The following PHIP variants were observed in gnomAD, a reference collection of about 807,000 sequenced individuals.
PHIP encodes the protein PH-interacting protein.
Under a neutral mutation model 236.8 loss-of-function variants are expected in PHIP, and 54 were observed. The ratio of observed to expected loss-of-function variants is 0.23; its 90% CI spans 0.18 to 0.29. The LOEUF (loss-of-function observed/expected upper bound fraction) is 0.29, where lower values mean the gene tolerates loss of function less well. Ranked by LOEUF, PHIP falls within the 10% of genes least tolerant of loss-of-function variation. The pLI is 1.00. For synonymous variants in PHIP, 756 were observed against 718.9 expected (o/e 1.05, Z -0.83); for missense variants, 1,370 against 2,190.8 (o/e 0.63, Z 7.48).
intron 9 of PHIP, among the ~76,000 whole-genome samples, chr6:79,024,533 G>A (rs1273844992): frequency 3.9e-5 from 6 of 152,168 alleles, no homozygotes; most frequent in Non-Finnish European, 7.3e-5. Flanking sequence ...GGCTGGGCAC[G>A]GTGGCTCATG....
At chr6:79,007,884 C>T (rs1390743022) in intron 15 of PHIP, among the ~76,000 whole-genome samples, 1 of 151,928 alleles carries the variant, frequency 6.6e-6, no homozygotes, top group Admixed American at 6.6e-5. Context: ...TAGATTAGAG[C>T]TTGCCAACCT....
At chr6:79,066,080 A>G (rs1324619170) in intron 4 of PHIP, among the ~76,000 whole-genome samples, 1 of 152,036 alleles carries the variant, frequency 6.6e-6, no homozygotes, top group Non-Finnish European at 1.5e-5. Flanking sequence ...TATATTGTAT[A>G]TATGTGGTTT....
chr6:79,059,069 T>TA (rs914746735), intron 6 of PHIP, among the ~76,000 whole-genome samples: 7 of 151,892 alleles, frequency 4.6e-5, no homozygotes, highest in East Asian at 1.9e-4. Flanking sequence ...TCTTATGTTT[T>TA]AAAAAAAATC....
rs1176135941 is a variant in PHIP, at chr6:78,938,070, G to T, written c.*2623C>A. Reference sequence around the variant, plus strand: ...GAGGATTATTTTCCCAAGTGGTAAAGAAAACAAAAATATGGTGATGACTTA... The same window carrying T: ...GAGGATTATTTTCCCAAGTGGTAAATAAAACAAAAATATGGTGATGACTTA... On this transcript the variant is annotated 3_prime_UTR_variant, in exon 40 of 40. Transcript: ENST00000275034. The T allele has an allele frequency of 4.6e-5, 7 of 151,582 alleles. No individual in the cohort carries two copies. Among genetic ancestry groups the T allele is most frequent in the Non-Finnish European group, 1.0e-4 (7 of 67,592 alleles). The allele number at this position is 151,582 out of a possible 1,614,324, so 9.4% of individuals were successfully genotyped here. A position where few individuals can be genotyped will look rare whatever the true frequency, so the allele number is the denominator to read the frequency against.
intron 15 of PHIP, among the ~76,000 whole-genome samples, chr6:79,006,643 C>G (rs966248148): frequency 6.6e-6 from 1 of 151,962 alleles, no homozygotes; most frequent in Non-Finnish European, 1.5e-5. Context: ...AATGTGTCAA[C>G]ATAAAATTTA....
Position 79,077,836 on chromosome 6 carries a change from G to A in PHIP, c.99+19C>T. The A allele has an allele frequency of 7.0e-7, 1 of 1,429,014 alleles. No homozygotes were observed. The allele number at this position is 1,429,014 out of a possible 1,614,324, so 88.5% of individuals were successfully genotyped here. A position where few individuals can be genotyped will look rare whatever the true frequency, so the allele number is the denominator to read the frequency against. On this transcript the variant is annotated intron_variant, in intron 2 of 39. Coordinates refer to ENST00000275034, the MANE Select transcript of PHIP (RefSeq NM_017934.7). ...CGAGCGGCGAGCGCCGGCCCGGCCC[G>A]CGCCGCGCGCCGCCGTACCTGAGCC...
chr6:78,940,680 A>G lies in PHIP; in HGVS notation c.*13T>C, dbSNP rs1302327219. ...TGCTTTATAGATTTTGAAGTAAAAT[A>G]TTTTGGTACAAGTTACCAACCAATT... is the stretch of plus-strand genomic sequence containing the variant. On this transcript the variant is annotated 3_prime_UTR_variant, in exon 40 of 40. Coordinates refer to ENST00000275034, the MANE Select transcript of PHIP (RefSeq NM_017934.7). 1.3e-6 allele frequency: 2 copies of G among 1,582,502 alleles called. No homozygotes were observed. The highest frequency in any genetic ancestry group is 1.7e-6 in the Non-Finnish European group (2 of 1,157,162).
At chr6:79,007,449 T>C (rs1330690271) in intron 15 of PHIP, among the ~76,000 whole-genome samples, 1 of 151,992 alleles carries the variant, frequency 6.6e-6, no homozygotes, top group Non-Finnish European at 1.5e-5. Flanking sequence ...GGAGATGAAG[T>C]ATATTAAAAG....
In PHIP at chr6:78,985,334, T is replaced by G; in HGVS notation, c.2537+18A>C. The G allele has an allele frequency of 2.9e-6, 4 of 1,392,062 alleles. No homozygotes were observed. Among genetic ancestry groups the G allele is most frequent in the Non-Finnish European group, 4.1e-6 (4 of 985,526 alleles). The allele number at this position is 1,392,062 out of a possible 1,614,324, so 86.2% of individuals were successfully genotyped here. The stretch of plus-strand genomic sequence containing the variant: ...AGACTTTATATAACATTTGGAAAAA[T>G]AAAAAGCATTCATTTACCTAGAACT... On this transcript the variant is annotated intron_variant, in intron 22 of 39. Transcript: ENST00000275034.
At chr6:78,985,900 C>A (rs1008590250) in intron 21 of PHIP, among the ~76,000 whole-genome samples, 3 of 151,976 alleles carry the variant, frequency 2.0e-5, no homozygotes, top group Admixed American at 2.0e-4. Context: ...CAGCTTTTAC[C>A]TTTTTTTCAC....
chr6:78,943,908 C>T lies in PHIP; in HGVS notation c.4828+1392G>A, dbSNP rs150245653. 2.8e-3 allele frequency among the ~76,000 whole-genome samples: 422 copies of T among 149,640 alleles called. 2 individuals are homozygous for T. Among genetic ancestry groups the T allele is most frequent in the African/African-American group, 1.0e-2 (403 of 40,502 alleles). On this transcript the variant is annotated intron_variant, in intron 39 of 39. Coordinates refer to ENST00000275034, the MANE Select transcript of PHIP (RefSeq NM_017934.7). ...GGCTGAGGCAGAAGAATTGCTTGAA[C>T]CGGCAAGGCAGAGGTTGCAGTGAAT...
chr6:79,031,043 A>G (rs535373014), intron 7 of PHIP, among the ~76,000 whole-genome samples: 2 of 152,090 alleles, frequency 1.3e-5, no homozygotes, highest in Non-Finnish European at 2.9e-5. Flanking sequence ...GCCCAGGTTC[A>G]AGAGATTCTC....
Position 78,945,297 on chromosome 6 carries a change from T to TA in PHIP, c.4828+2dup. ...ATCTTGAAAGATACAAGTAATACCTTACCTTGCTCAATGACAGCTGATGAC... is the reference window on the plus strand; with the variant it reads ...ATCTTGAAAGATACAAGTAATACCTTAACCTTGCTCAATGACAGCTGATGAC... On this transcript the variant is annotated splice_region_variant and intron_variant, in intron 39 of 39. Coordinates refer to ENST00000275034, the MANE Select transcript of PHIP (RefSeq NM_017934.7). 6.3e-7 allele frequency: 1 copy of TA among 1,594,048 alleles called. No individual in the cohort carries two copies. The highest frequency in any genetic ancestry group is 8.6e-7 in the Non-Finnish European group (1 of 1,161,688).
chr6:79,024,193 C>A (rs1275727008), intron 9 of PHIP, among the ~76,000 whole-genome samples: 1 of 152,160 alleles, frequency 6.6e-6, no homozygotes, highest in African/African-American at 2.4e-5. Context: ...CAAGAATGTT[C>A]ATATACATGA....
chr6:79,048,273 C>T lies in PHIP; in HGVS notation c.440-5270G>A, dbSNP rs116574365. Among the ~76,000 whole-genome samples, 514 of 151,848 alleles carry T rather than the reference C, an allele frequency of 3.4e-3. 2 individuals carry two copies. Among genetic ancestry groups the T allele is most frequent in the African/African-American group, 0.011 (449 of 41,432 alleles). On this transcript the variant is annotated intron_variant, in intron 6 of 39. Coordinates refer to ENST00000275034, the MANE Select transcript of PHIP (RefSeq NM_017934.7). ...TGGTGCTTTCTTCCTGTTGTTGGGC[C>T]CAAATTTTCAATGCAGATGATTTTT...
In PHIP at chr6:78,938,736, T is replaced by C. The variant is rs1357362290; in HGVS notation, c.*1957A>G. The stretch of plus-strand genomic sequence containing the variant: ...AAAAAACCTGAAAAATTTGAAATTA[T>C]TTTTCAACTGCAAAATCTCAGCAAT... On this transcript the variant is annotated 3_prime_UTR_variant, in exon 40 of 40. Transcript: ENST00000275034. 1.3e-5 allele frequency: 2 copies of C among 151,714 alleles called. No individual in the cohort carries two copies. The highest frequency in any genetic ancestry group is 3.0e-5 in the Non-Finnish European group (2 of 67,658). 9.4% of individuals were successfully genotyped at this position (151,714 alleles called of 1,614,324 possible).
intron 9 of PHIP, among the ~76,000 whole-genome samples, chr6:79,020,402 G>C (rs937066737): frequency 3.3e-5 from 5 of 152,152 alleles, no homozygotes; most frequent in Non-Finnish European, 5.9e-5. Context: ...ATCTCATTTA[G>C]AGAGACAGAT....
chr6:78,939,596 T>C lies in PHIP; in HGVS notation c.*1097A>G, dbSNP rs890683386. 2 of 151,944 alleles carry C rather than the reference T, an allele frequency of 1.3e-5. No individual in the cohort carries two copies. The highest frequency in any genetic ancestry group is 4.8e-5 in the African/African-American group (2 of 41,432). 9.4% of individuals were successfully genotyped at this position (151,944 alleles called of 1,614,324 possible). The stretch of plus-strand genomic sequence containing the variant: ...GTATATAAGTATGTGTTTGTATATA[T>C]ATTTAATTATACCCATTTATCAATA... On this transcript the variant is annotated 3_prime_UTR_variant, in exon 40 of 40. Coordinates refer to ENST00000275034, the MANE Select transcript of PHIP (RefSeq NM_017934.7).
chr6:79,077,968 G>C (rs1368763145), intron 1 of PHIP, 55 bp from the exon 2 acceptor site: 2 of 1,592,320 alleles, frequency 1.3e-6, no homozygotes, highest in Non-Finnish European at 1.7e-6. Context: ...GGGCGGCGGG[G>C]GGCGGGGGAC....
Sources: allele counts gnomAD v4.1 joint callset (sites outside exome capture counted in the v4.1 genomes callset), GRCh38; gene constraint gnomAD v4.1.1; transcripts MANE v1.5; gene names NCBI Gene and HGNC (gene_info 2026-07-23, HGNC 2026-07-21).